The following CASR variants were observed in gnomAD, a reference collection of about 807,000 sequenced individuals.
CASR encodes calcium sensing receptor, also known as extracellular calcium-sensing receptor.
Under a neutral mutation model 69.1 loss-of-function variants are expected in CASR, and 23 were observed. The ratio of observed to expected loss-of-function variants is 0.33; its 90% CI spans 0.24 to 0.47. CASR has a LOEUF of 0.47. Among genes scored for constraint, CASR ranks in the 20% least tolerant of loss-of-function variants. The probability of loss-of-function intolerance (pLI) is 1.00; values close to 1 mark genes in which losing one functional copy is unlikely to be tolerated. For synonymous variants in CASR, 541 were observed against 544.7 expected (o/e 0.99, Z 0.10); for missense variants, 924 against 1,356.1 (o/e 0.68, Z 5.00).
Position 122,270,936 on chromosome 3 carries a change from T to C in CASR, c.1378-4876T>C, listed in dbSNP as rs541680537. 1.6e-4 allele frequency among the ~76,000 whole-genome samples: 25 copies of C among 152,346 alleles called. No homozygotes were observed. The South Asian group carries it at 4.3e-3, about 26-fold the overall frequency. On this transcript the variant is annotated intron_variant, in intron 4 of 6. Coordinates refer to ENST00000639785, the MANE Select transcript of CASR (RefSeq NM_000388.4). ...AGAATATGGTTTATCTTTATAAATATTTTGTGTTCTTGAAAATAATGTATA... is the reference window on the plus strand; with the variant it reads ...AGAATATGGTTTATCTTTATAAATACTTTGTGTTCTTGAAAATAATGTATA...
At chr3:122,204,252 C>T (rs969372230) in intron 1 of CASR, among the ~76,000 whole-genome samples, 1 of 152,116 alleles carries the variant, frequency 6.6e-6, no homozygotes, top group South Asian at 2.1e-4. Flanking sequence ...TCCCCCAAGC[C>T]TCTGGTGACC....
intron 1 of CASR, among the ~76,000 whole-genome samples, chr3:122,240,843 A>G (rs1388349051): frequency 6.6e-6 from 1 of 152,112 alleles, no homozygotes; most frequent in Non-Finnish European, 1.5e-5. Flanking sequence ...GTCTTTGACC[A>G]CAATGAAATA....
At chr3:122,269,406 C>T (rs1307996138) in intron 4 of CASR, among the ~76,000 whole-genome samples, 3 of 152,072 alleles carry the variant, frequency 2.0e-5, no homozygotes, top group South Asian at 2.1e-4. Context: ...CCTATATTGC[C>T]GAGAGCTTTT....
chr3:122,275,823 C>G lies in CASR; in HGVS notation c.1389C>G (p.His463Gln). ...KKVEAWQVLKHLRHLNFTNNM... is the reference protein window; with the variant it reads ...KKVEAWQVLKQLRHLNFTNNM... ...TTGCTCCTCTTTAGGTCCTGAAGCACCTACGGCATCTAAACTTTACAAACA... is the reference window on the plus strand; with the variant it reads ...TTGCTCCTCTTTAGGTCCTGAAGCAGCTACGGCATCTAAACTTTACAAACA... Residue 463 changes from histidine (H) to glutamine (Q), a missense_variant, in exon 5 of 7, where the codon CAC becomes CAG. His to Gln is a conservative substitution (Grantham distance 24). Transcript: ENST00000639785. 6.2e-7 allele frequency: 1 copy of G among 1,613,248 alleles called. No individual in the cohort carries two copies. The highest frequency in any genetic ancestry group is 8.5e-7 in the Non-Finnish European group (1 of 1,179,246).
chr3:122,262,964 T>C (rs982105710), intron 4 of CASR, among the ~76,000 whole-genome samples: 2 of 152,150 alleles, frequency 1.3e-5, no homozygotes, highest in African/African-American at 2.4e-5. Context: ...TGATATTGAG[T>C]GTTTCAAAAA....
At chr3:122,281,792 T>C (rs1227496126) in intron 5 of CASR, among the ~76,000 whole-genome samples, 1 of 152,232 alleles carries the variant, frequency 6.6e-6, no homozygotes, top group Non-Finnish European at 1.5e-5. Context: ...GTATTTTTCA[T>C]CTGTTTTCAA....
intron 1 of CASR, among the ~76,000 whole-genome samples, chr3:122,206,570 T>C (rs1025019116): frequency 6.6e-6 from 1 of 152,116 alleles, no homozygotes; most frequent in Admixed American, 6.6e-5. Context: ...GGTTTTGGTA[T>C]CAGGATAACG....
rs2074983755 is a variant in CASR, at chr3:122,287,883, GA to G, written c.*2693del. 6.6e-6 allele frequency: 1 copy of G among 152,224 alleles called. No homozygotes were observed. Among genetic ancestry groups the G allele is most frequent in the Admixed American group, 6.5e-5 (1 of 15,286 alleles). The allele number at this position is 152,224 out of a possible 1,614,324, so 9.4% of individuals were successfully genotyped here. ...TGCTGTCTCCCCATGACAGTACACA[GA>G]GCTTATGGAGGCTAACAAAGCTTCC... On this transcript the variant is annotated 3_prime_UTR_variant, in exon 7 of 7. Transcript: ENST00000639785.
intron 1 of CASR, among the ~76,000 whole-genome samples, chr3:122,220,297 C>A (rs746971316): frequency 6.6e-6 from 1 of 152,226 alleles, no homozygotes; most frequent in Non-Finnish European, 1.5e-5. Flanking sequence ...TCTCAATCCC[C>A]AGCCAATGCT....
intron 4 of CASR, among the ~76,000 whole-genome samples, chr3:122,269,476 T>C (rs1245309689): frequency 6.6e-6 from 1 of 152,266 alleles, no homozygotes; most frequent in Non-Finnish European, 1.5e-5. Flanking sequence ...GAAAATCATG[T>C]GGTTTTTCTT....
At chr3:122,224,833 C>CA (rs1344680346) in intron 1 of CASR, among the ~76,000 whole-genome samples, 2 of 152,052 alleles carry the variant, frequency 1.3e-5, no homozygotes, top group African/African-American at 4.8e-5. Context: ...TGTGCTGGTA[C>CA]AAAAACAGAC....
At chr3:122,187,748 TAAC>T (rs993989350) in intron 1 of CASR, among the ~76,000 whole-genome samples, 6 of 151,958 alleles carry the variant, frequency 3.9e-5, no homozygotes, top group Non-Finnish European at 7.4e-5. Flanking sequence ...AACAAGCAAT[TAAC>T]AACAACTAAA....
rs193922434 is a variant in CASR, at chr3:122,284,208, C to T, written c.2254C>T (p.Arg752Cys). 1 of 1,614,040 alleles carries T rather than the reference C, an allele frequency of 6.2e-7. No individual in the cohort carries two copies. Among genetic ancestry groups the T allele is most frequent in the South Asian group, 1.1e-5 (1 of 91,086 alleles). Residue 752 changes from arginine to cysteine, a missense_variant, in exon 7 of 7, where the codon CGC becomes TGC. This residue lies in a region of CASR where 184 missense variants were observed against 278.8 expected (regional missense o/e 0.66). Coordinates refer to ENST00000639785, the MANE Select transcript of CASR (RefSeq NM_000388.4). ...WLYTAPPSSY[R>C]NQELEDEIIF... is the part of the protein sequence containing the mutation. Reference sequence around the variant, plus strand: ...CTACACCGCGCCCCCGTCAAGCTACCGCAACCAGGAGCTGGAGGATGAGAT... The same window carrying T: ...CTACACCGCGCCCCCGTCAAGCTACTGCAACCAGGAGCTGGAGGATGAGAT...
intron 4 of CASR, among the ~76,000 whole-genome samples, chr3:122,269,177 A>G (rs1298353572): frequency 6.6e-6 from 1 of 152,166 alleles, no homozygotes; most frequent in African/African-American, 2.4e-5. Flanking sequence ...GTTTTTGTTT[A>G]TTTCAGTTTA....
chr3:122,252,730 G>C (rs2074511597), intron 1 of CASR, among the ~76,000 whole-genome samples: 1 of 152,128 alleles, frequency 6.6e-6, no homozygotes, highest in Non-Finnish European at 1.5e-5. Flanking sequence ...TTGTGTCTCT[G>C]TGGATGGCAT....
intron 1 of CASR, among the ~76,000 whole-genome samples, chr3:122,216,046 G>C (rs2074114451): frequency 6.6e-6 from 1 of 152,212 alleles, no homozygotes; most frequent in South Asian, 2.1e-4. Context: ...GCTGTTATGA[G>C]ACTCAAATTA....
intron 1 of CASR, among the ~76,000 whole-genome samples, chr3:122,205,843 AT>A (rs979471730): frequency 1.3e-5 from 2 of 151,886 alleles, no homozygotes; most frequent in African/African-American, 4.8e-5. Flanking sequence ...TATAAATAGG[AT>A]TTTTTTATGA....
chr3:122,273,587 T>G (rs1180984113), intron 4 of CASR, among the ~76,000 whole-genome samples: 1 of 152,116 alleles, frequency 6.6e-6, no homozygotes, highest in Non-Finnish European at 1.5e-5. Context: ...CACTGACAAG[T>G]CATGGTAGGT....
intron 1 of CASR, among the ~76,000 whole-genome samples, chr3:122,231,500 G>A (rs1006147112): frequency 6.6e-5 from 10 of 152,154 alleles, no homozygotes; most frequent in African/African-American, 1.2e-4. Context: ...TACAGCAACC[G>A]TACTATTGTT....
Sources: gnomAD v4.1 joint callset for allele counts (sites outside exome capture counted in the v4.1 genomes callset) on GRCh38, gnomAD v4.1.1 for gene constraint, gnomAD v4.1.1 regional missense constraint, MANE v1.5 for transcripts, NCBI Gene and HGNC (gene_info 2026-07-23, HGNC 2026-07-21) for gene names.